Variants in DAB1 observed in about 807,000 individuals in gnomAD.
DAB1 encodes disabled homolog 1.
DAB1 carries 15 observed loss-of-function variants against 64.6 expected under a neutral mutation model. The ratio of observed to expected loss-of-function variants is 0.23; its 90% confidence interval spans 0.16 to 0.36. The LOEUF is 0.36. Ranked by LOEUF, DAB1 falls within the 10% of genes least tolerant of loss-of-function variation. DAB1 has a pLI of 1.00. For synonymous variants in DAB1, 235 were observed against 251.9 expected, an observed-to-expected ratio of 0.93 and a Z score of 0.64; for missense variants, 596 against 706.7, an observed-to-expected ratio of 0.84 and a Z score of 1.78.
At chr1:58,462,809 T>G (rs575775686) in intron 3 of DAB1, 9 of 152,342 alleles carry the variant, frequency 5.9e-5, no homozygotes, top group African/African-American at 1.7e-4. Flanking sequence ...AAAATAGGGA[T>G]GAAGACAGAC....
At chr1:57,266,801 C>T (rs1373015080) in intron 2 of DAB1, among the ~76,000 whole-genome samples, 1 of 152,102 alleles carries the variant, frequency 6.6e-6, no homozygotes, top group East Asian at 1.9e-4. Context: ...ATAAAAGAAG[C>T]TCCTGTTTAA....
chr1:57,538,695 A>G (rs1644759930), intron 7 of DAB1, among the ~76,000 whole-genome samples: 4 of 152,288 alleles, frequency 2.6e-5, no homozygotes, highest in African/African-American at 9.6e-5. Flanking sequence ...CAGAAGATCT[A>G]TGTTTCAGGC....
intron 5 of DAB1, among the ~76,000 whole-genome samples, chr1:57,969,250 A>G (rs1292983302): frequency 6.6e-6 from 1 of 152,302 alleles, no homozygotes; most frequent in South Asian, 2.1e-4. Context: ...AAACTAAAAA[A>G]AAGTCTTACC....
Position 58,516,153 on chromosome 1 carries a change from A to C in DAB1, n.108-9944T>G, listed in dbSNP as rs547399946. 2.0e-5 allele frequency among the ~76,000 whole-genome samples: 3 copies of C among 152,274 alleles called. No homozygotes were observed. In the South Asian group the frequency reaches 6.2e-4, roughly 32 times the overall value. On this transcript the variant is annotated intron_variant and non_coding_transcript_variant, in intron 2 of 20. Transcript: ENST00000485760. Reference sequence around the variant, plus strand: ...CCCCTTTTCCCTCACATTAAACATCAATAATTCCCCCCACTTCCCCAATAA... The same window carrying C: ...CCCCTTTTCCCTCACATTAAACATCCATAATTCCCCCCACTTCCCCAATAA...
chr1:57,491,217 A>G (rs918394028), intron 7 of DAB1, among the ~76,000 whole-genome samples: 11 of 152,138 alleles, frequency 7.2e-5, no homozygotes, highest in African/African-American at 2.7e-4. Flanking sequence ...TCATGAGTTC[A>G]GGAGATGGAG....
At chr1:57,031,774 A>G (rs1646972868) in intron 9 of DAB1, among the ~76,000 whole-genome samples, 2 of 152,230 alleles carry the variant, frequency 1.3e-5, no homozygotes, top group Admixed American at 6.5e-5. Context: ...ATTTGAGGTC[A>G]TTTGGAATGT....
chr1:57,851,810 T>C (rs1653537751), intron 1 of DAB1, among the ~76,000 whole-genome samples: 1 of 152,178 alleles, frequency 6.6e-6, no homozygotes, highest in African/African-American at 2.4e-5. Context: ...TGGTTGTATC[T>C]CTTGATTTCA....
chr1:58,488,220 A>G (rs1410890107), intron 3 of DAB1, among the ~76,000 whole-genome samples: 1 of 152,138 alleles, frequency 6.6e-6, no homozygotes, highest in Non-Finnish European at 1.5e-5. Flanking sequence ...TTTGCTTTAC[A>G]TGTGCGGAAT....
intron 4 of DAB1, among the ~76,000 whole-genome samples, chr1:58,166,873 G>C (rs1226983772): frequency 1.3e-5 from 2 of 150,156 alleles, no homozygotes; most frequent in African/African-American, 2.5e-5. Flanking sequence ...AGCCTCGAGA[G>C]TAGCTGGAAT....
intron 4 of DAB1, among the ~76,000 whole-genome samples, chr1:57,126,128 T>C (rs1657106054): frequency 6.6e-6 from 1 of 151,296 alleles, no homozygotes. Flanking sequence ...CTTTACCAGC[T>C]TGGCATGGTT....
intron 5 of DAB1, among the ~76,000 whole-genome samples, chr1:58,053,223 C>A (rs1157308365): frequency 1.3e-5 from 2 of 152,138 alleles, no homozygotes; most frequent in Non-Finnish European, 2.9e-5. Context: ...TTTTCTTTTT[C>A]TCTTTTGTGT....
At chr1:58,423,459 C>T (rs1644792019) in intron 3 of DAB1, among the ~76,000 whole-genome samples, 1 of 152,160 alleles carries the variant, frequency 6.6e-6, no homozygotes, top group South Asian at 2.1e-4. Flanking sequence ...TAGACTTAGG[C>T]TTTTCTCCCA....
chr1:57,957,882 TTTATAA>T (rs1557578453), intron 5 of DAB1, among the ~76,000 whole-genome samples: 4 of 152,204 alleles, frequency 2.6e-5, no homozygotes, highest in Admixed American at 6.5e-5. Flanking sequence ...TGAAAACTTG[TTTATAA>T]TTATAAGTCT....
intron 4 of DAB1, among the ~76,000 whole-genome samples, chr1:58,266,665 T>C (rs1285016005): frequency 6.6e-6 from 1 of 152,162 alleles, no homozygotes; most frequent in Non-Finnish European, 1.5e-5. Flanking sequence ...CCAATCCTCC[T>C]AAGAATCCTA....
intron 5 of DAB1, among the ~76,000 whole-genome samples, chr1:57,967,111 A>G (rs577107024): frequency 1.3e-5 from 2 of 152,300 alleles, no homozygotes; most frequent in South Asian, 4.2e-4. Flanking sequence ...GCTTCAGGGC[A>G]AGGCCTGTTG....
At chr1:58,217,452 G>A (rs1427347799) in intron 4 of DAB1, among the ~76,000 whole-genome samples, 1 of 152,234 alleles carries the variant, frequency 6.6e-6, no homozygotes, top group Non-Finnish European at 1.5e-5. Context: ...AGATACGCAA[G>A]TAGGGAGGAG....
rs183658085 is a variant in DAB1 at position 57,454,760 on chromosome 1, A to G, written n.626-163594T>C. Among the ~76,000 whole-genome samples the G allele has an allele frequency of 4.6e-5, 7 of 152,234 alleles. No homozygotes were observed. The East Asian group carries it at 1.2e-3, about 25-fold the overall frequency. On this transcript the variant is annotated intron_variant and non_coding_transcript_variant, in intron 7 of 20. Transcript: ENST00000485760. ...CTCTAGACCGGGAGGAAAAGTTACT[A>G]TTGTGGCTAAAGACCCCAGAAACCT...
In DAB1 at chr1:57,231,718, G is replaced by A. The variant is rs1169097245; in HGVS notation, c.67+59246C>T. On this transcript the variant is annotated intron_variant, in intron 2 of 14. Coordinates refer to ENST00000371236, the MANE Select transcript of DAB1 (RefSeq NM_001365792.1). ...ATAGAAGTAGTAAGTGATGGTATCA[G>A]CTTTCAAGTTCACTTTCTTTTAATT... 2.0e-5 allele frequency among the ~76,000 whole-genome samples: 3 copies of A among 152,160 alleles called. No individual in the cohort carries two copies. In the East Asian group the frequency reaches 5.8e-4, roughly 29 times the overall value.
chr1:58,396,787 G>C (rs151173437), intron 3 of DAB1, among the ~76,000 whole-genome samples: 1,713 of 152,254 alleles, frequency 0.011, 29 homozygotes, highest in African/African-American at 0.039. Context: ...GGGAGTCCGG[G>C]CGCGGTGGCT....
Sources: allele counts gnomAD v4.1 joint callset (sites outside exome capture counted in the v4.1 genomes callset), GRCh38; gene constraint gnomAD v4.1.1; transcripts MANE v1.5; gene names NCBI Gene and HGNC (gene_info 2026-07-23, HGNC 2026-07-21).